The following EPM2A variants were observed in gnomAD, a reference collection of about 807,000 sequenced individuals.
The protein encoded by EPM2A is laforin.
EPM2A carries 21 observed loss-of-function variants against 26.5 expected under a neutral mutation model. The ratio of observed to expected loss-of-function variants is 0.79; its 90% CI spans 0.56 to 1.14. The LOEUF is 1.14. Among genes scored for constraint, EPM2A ranks in the 50% most tolerant of loss-of-function variants. The pLI is 0.00. For missense variants in EPM2A, 458 were observed against 440.8 expected, an observed-to-expected ratio of 1.04 and a Z score of -0.35; for synonymous variants, 217 against 177.6, an observed-to-expected ratio of 1.22 and a Z score of -1.76.
chr6:145,712,681 C>A (rs567674428), intron 1 of EPM2A, among the ~76,000 whole-genome samples: 70 of 152,242 alleles, frequency 4.6e-4, no homozygotes, highest in Non-Finnish European at 8.5e-4. Flanking sequence ...TGTTTTGAGA[C>A]ACTAGCCAAA....
intron 4 of EPM2A, among the ~76,000 whole-genome samples, chr6:145,469,293 G>T (rs2114723841): frequency 6.6e-6 from 1 of 152,112 alleles, no homozygotes; most frequent in South Asian, 2.1e-4. Context: ...CCACCACCTG[G>T]TCTCTCCCTT....
At chr6:145,627,997 T>C (rs1775956057) in intron 3 of EPM2A, 1 of 382,748 alleles carries the variant, frequency 2.6e-6, no homozygotes, top group Non-Finnish European at 4.7e-6. Context: ...ACCTATCGCC[T>C]GTCATCAGAA....
chr6:145,501,404 A>G (rs1319341549), downstream of EPM2A, among the ~76,000 whole-genome samples: 2 of 151,902 alleles, frequency 1.3e-5, no homozygotes, highest in Non-Finnish European at 2.9e-5. Context: ...ATGTTTTCTT[A>G]CTCTTGTCCT....
chr6:145,718,588 G>A (rs886078572), intron 1 of EPM2A, among the ~76,000 whole-genome samples: 2 of 152,076 alleles, frequency 1.3e-5, no homozygotes, highest in African/African-American at 4.8e-5. Flanking sequence ...AACACCAAAA[G>A]CAATGGCAAC....
At chr6:145,458,756 G>A (rs1027502867) in intron 4 of EPM2A, among the ~76,000 whole-genome samples, 22 of 113,358 alleles carry the variant, frequency 1.9e-4, no homozygotes, top group Non-Finnish European at 3.1e-4. Context: ...ATATCTCCCC[G>A]CCCCCCGCCC....
chr6:145,615,741 G>T (rs1261454479), intron 2 of EPM2A, among the ~76,000 whole-genome samples: 1 of 152,040 alleles, frequency 6.6e-6, no homozygotes, highest in Non-Finnish European at 1.5e-5. Flanking sequence ...TTGGGATCTG[G>T]AGTAAAGGTG....
At chr6:145,501,657 GGAA>G (rs887305041) in exon 4 of EPM2A, 14 of 395,814 alleles carry the variant, frequency 3.5e-5, no homozygotes, top group African/African-American at 2.3e-4. Context: ...CAGAAGTGGG[GGAA>G]GAAGGAGTTA....
intron 1 of EPM2A, among the ~76,000 whole-genome samples, chr6:145,728,369 T>C (rs115948029): frequency 1.5e-3 from 234 of 152,244 alleles, no homozygotes; most frequent in African/African-American, 5.3e-3. Context: ...TGGAGACTCG[T>C]TGAATGGTTG....
chr6:145,452,671 A>G (rs1280149158), intron 4 of EPM2A, among the ~76,000 whole-genome samples: 1 of 109,262 alleles, frequency 9.2e-6, no homozygotes, highest in African/African-American at 2.8e-5. Context: ...CCTGGGCAAC[A>G]GAGCAAGACT....
At chr6:145,726,450 G>A (rs1023178402) in intron 1 of EPM2A, among the ~76,000 whole-genome samples, 12 of 152,066 alleles carry the variant, frequency 7.9e-5, no homozygotes, top group African/African-American at 2.7e-4. Context: ...CGTGAGCACT[G>A]CACAGTGACT....
intron 4 of EPM2A, among the ~76,000 whole-genome samples, chr6:145,472,967 C>T (rs923665708): frequency 6.6e-6 from 1 of 151,914 alleles, no homozygotes; most frequent in Non-Finnish European, 1.5e-5. Flanking sequence ...ACAATAAATG[C>T]CTAACTCTTC....
intron 1 of EPM2A, among the ~76,000 whole-genome samples, chr6:145,728,356 T>A (rs1236257518): frequency 1.3e-5 from 2 of 152,152 alleles, no homozygotes; most frequent in Non-Finnish European, 2.9e-5. Flanking sequence ...GTTTGGAACT[T>A]CCTGGAGACT....
intron 4 of EPM2A, among the ~76,000 whole-genome samples, chr6:145,430,759 A>G (rs1336147255): frequency 6.6e-6 from 1 of 152,204 alleles, no homozygotes; most frequent in Non-Finnish European, 1.5e-5. Context: ...CTCCTCTTCA[A>G]CTGAAGATGA....
chr6:145,394,016 G>A (rs1265080244), intron 4 of EPM2A, among the ~76,000 whole-genome samples: 2 of 151,678 alleles, frequency 1.3e-5, no homozygotes, highest in African/African-American at 4.8e-5. Flanking sequence ...GTAGAGTCAG[G>A]GTTTCATCCT....
intron 2 of EPM2A, among the ~76,000 whole-genome samples, chr6:145,649,638 T>G (rs79253124): frequency 1.2e-3 from 182 of 152,326 alleles, no homozygotes; most frequent in African/African-American, 4.1e-3. Context: ...TAGCATCATT[T>G]AATTCATTTC....
chr6:145,685,730 T>C (rs780089308), intron 2 of EPM2A, among the ~76,000 whole-genome samples: 1 of 152,188 alleles, frequency 6.6e-6, no homozygotes, highest in South Asian at 2.1e-4. Flanking sequence ...TTCACACATA[T>C]TTATTTGGAT....
chr6:145,515,319 C>T (rs1286560042), intron 2 of EPM2A, among the ~76,000 whole-genome samples: 1 of 152,186 alleles, frequency 6.6e-6, no homozygotes, highest in Non-Finnish European at 1.5e-5. Context: ...TGAAATCTTA[C>T]TTGGTCTGTG....
chr6:145,396,306 T>A (rs1778404861), intron 4 of EPM2A, among the ~76,000 whole-genome samples: 1 of 152,108 alleles, frequency 6.6e-6, no homozygotes, highest in African/African-American at 2.4e-5. Flanking sequence ...TCATTCCCTT[T>A]CCCATCTGAA....
chr6:145,680,163 G>A (rs1304524825), intron 2 of EPM2A: 1 of 151,882 alleles, frequency 6.6e-6, no homozygotes, highest in Non-Finnish European at 1.5e-5. Flanking sequence ...GAGGTTGGGT[G>A]GGGGAAAGAA....
Sources: gnomAD v4.1 joint callset for allele counts (sites outside exome capture counted in the v4.1 genomes callset) on GRCh38, gnomAD v4.1.1 for gene constraint, MANE v1.5 for transcripts, NCBI Gene and HGNC (gene_info 2026-07-23, HGNC 2026-07-21) for gene names.